NCR1: variants seen among roughly 807,000 people sequenced by gnomAD.
NCR1 encodes NK cell-activating receptor.
A neutral mutation model predicts 32.5 loss-of-function variants in NCR1; 30 were observed. The ratio of observed to expected loss-of-function variants is 0.92; its 90% CI spans 0.69 to 1.25. NCR1 has a LOEUF of 1.25. NCR1 is among the 50% of genes most tolerant of loss of function. The pLI is 0.00. For synonymous variants in NCR1, 169 were observed against 143.4 expected, an observed-to-expected ratio of 1.18 and a Z score of -1.28; for missense variants, 369 against 380.7, an observed-to-expected ratio of 0.97 and a Z score of 0.26.
chr19:54,927,777 T>C, the NCR1 span: 2 of 1,613,744 alleles, frequency 1.2e-6, no homozygotes, highest in Non-Finnish European at 1.7e-6. Context: ...CTCCAGAGGC[T>C]GTTGAGGAAG....
chr19:54,905,648 G>C (rs1307178440), upstream of NCR1, among the ~76,000 whole-genome samples: 1 of 152,176 alleles, frequency 6.6e-6, no homozygotes, highest in Non-Finnish European at 1.5e-5. Context: ...CTGGGAAAGG[G>C]AGAGATAAGG....
chr19:54,899,435 G>C, the NCR1 span, among the ~76,000 whole-genome samples: 755 of 152,166 alleles, frequency 5.0e-3, 9 homozygotes, highest in African/African-American at 0.018. Flanking sequence ...TAGAGACATG[G>C]AGGGAAGGGG....
At chr19:54,933,507 A>G in the NCR1 span, 1 of 1,573,364 alleles carries the variant, frequency 6.4e-7, no homozygotes, top group Non-Finnish European at 8.7e-7. Flanking sequence ...ATTAACAAGT[A>G]CTTTCATGTC....
chr19:54,930,389 AAGACCGAAGCCG>A, the NCR1 span: 1 of 757,138 alleles, frequency 1.3e-6, no homozygotes, highest in Non-Finnish European at 2.3e-6. Context: ...TCAAGCCTGG[AAGACCGAAGCCG>A]CAGTGAGCCG....
chr19:54,902,814 G>A (rs189931717), upstream of NCR1, among the ~76,000 whole-genome samples: 14 of 151,494 alleles, frequency 9.2e-5, no homozygotes, highest in Non-Finnish European at 1.9e-4. Context: ...CGCCAGCACC[G>A]AGTACTGAAT....
the NCR1 span, among the ~76,000 whole-genome samples, chr19:54,928,493 T>G: frequency 6.6e-6 from 1 of 151,568 alleles, no homozygotes; most frequent in African/African-American, 2.4e-5. Context: ...GTCCTCAGAG[T>G]TTTTAGTGAC....
upstream of NCR1, among the ~76,000 whole-genome samples, chr19:54,902,516 C>T (rs1275356856): frequency 6.6e-6 from 1 of 152,030 alleles, no homozygotes; most frequent in African/African-American, 2.4e-5. Context: ...ATCCACCCAC[C>T]TCGGCCTCCC....
the NCR1 span, among the ~76,000 whole-genome samples, chr19:54,935,656 C>T: frequency 2.0e-5 from 3 of 149,896 alleles, no homozygotes; most frequent in Middle Eastern, 3.5e-3. Context: ...CGCGCCACTG[C>T]GCTCCAGCCT....
At chr19:54,934,649 G>A in the NCR1 span, 1 of 1,613,354 alleles carries the variant, frequency 6.2e-7, no homozygotes, top group Non-Finnish European at 8.5e-7. This position sits in a 1 kb window ranked among gnomAD's most constrained non-coding sequence, Gnocchi z 6.7. Context: ...GTGGCACAGT[G>A]ACCTCCCAAC....
chr19:54,918,927 T>G (rs2068185946), downstream of NCR1, among the ~76,000 whole-genome samples: 1 of 149,048 alleles, frequency 6.7e-6, no homozygotes, highest in African/African-American at 2.5e-5. Context: ...GAGGTTGCGG[T>G]GAGCCAAGAT....
At chr19:54,908,765 G>A (rs1277715862) in intron 3 of NCR1, among the ~76,000 whole-genome samples, 4 of 151,120 alleles carry the variant, frequency 2.6e-5, no homozygotes, top group Non-Finnish European at 5.9e-5. Flanking sequence ...AAGTAGTTGA[G>A]ATTACAGGCA....
downstream of NCR1, among the ~76,000 whole-genome samples, chr19:54,918,355 G>A (rs1355701973): frequency 6.6e-6 from 1 of 151,886 alleles, no homozygotes; most frequent in African/African-American, 2.4e-5. Context: ...AACAACCTCC[G>A]CCTCCCGGGT....
chr19:54,914,016 C>T (rs2146098768), downstream of NCR1, among the ~76,000 whole-genome samples: 1 of 148,528 alleles, frequency 6.7e-6, no homozygotes, highest in Middle Eastern at 3.5e-3. Flanking sequence ...TGCAGGGAGC[C>T]AAGATCGCAC....
chr19:54,929,612 G>C, the NCR1 span, among the ~76,000 whole-genome samples: 1 of 152,096 alleles, frequency 6.6e-6, no homozygotes, highest in Non-Finnish European at 1.5e-5. Flanking sequence ...GGGTTTATGA[G>C]GTGGGGCAGG....
chr19:54,929,173 A>G, the NCR1 span, among the ~76,000 whole-genome samples: 1 of 152,046 alleles, frequency 6.6e-6, no homozygotes, highest in Non-Finnish European at 1.5e-5. Flanking sequence ...GTTTGAGACC[A>G]GTCTGGCTAA....
At chr19:54,924,271 A>G in the NCR1 span, among the ~76,000 whole-genome samples, 14,383 of 152,116 alleles carry the variant, frequency 0.095, 974 homozygotes, top group East Asian at 0.32. Flanking sequence ...CCCAGTCAGA[A>G]AAGTTTTCTA....
chr19:54,909,687 C>T (rs2067854395), intron 4 of NCR1, among the ~76,000 whole-genome samples, 164 bp downstream of exon 4: 2 of 152,056 alleles, frequency 1.3e-5, no homozygotes, highest in South Asian at 2.1e-4. Context: ...GAGGAGGGAA[C>T]AGAGAAAGGA....
In NCR1 at chr19:54,912,084, C is replaced by T. The variant is rs1270235086; in HGVS notation, c.683-84C>T. ...GGTGGGACCTTGTAAAGCTGCAGAA[C>T]GTCATGGGGTAGACCCAAGGGAAGG... On this transcript the variant is annotated intron_variant, in intron 5 of 6. Transcript: ENST00000291890. 5.8e-6 allele frequency: 7 copies of T among 1,199,246 alleles called. No homozygotes were observed. The East Asian group carries it at 1.2e-4, about 20-fold the overall frequency. 74.3% of individuals were successfully genotyped at this position (1,199,246 alleles called of 1,614,324 possible).
chr19:54,905,381 G>A (rs57489973), upstream of NCR1, among the ~76,000 whole-genome samples: 8,519 of 151,990 alleles, frequency 0.056, 301 homozygotes, highest in Middle Eastern at 0.12. Context: ...AGGTGCACCG[G>A]CCCCAGTCAG....
Sources: allele counts gnomAD v4.1 joint callset (sites outside exome capture counted in the v4.1 genomes callset), GRCh38; gene constraint gnomAD v4.1.1; non-coding constraint Gnocchi (gnomAD v3.1); transcripts MANE v1.5; gene names NCBI Gene and HGNC (gene_info 2026-07-23, HGNC 2026-07-21).